The following CDH13 variants were observed in gnomAD, a reference collection of about 807,000 sequenced individuals.
CDH13 encodes the protein cadherin 13.
A neutral mutation model predicts 63.8 loss-of-function variants in CDH13; 24 were observed. The ratio of observed to expected loss-of-function variants is 0.38; its 90% CI spans 0.27 to 0.53. The LOEUF (loss-of-function observed/expected upper bound fraction) is 0.53, where lower values mean the gene tolerates loss of function less well. CDH13 is among the 20% of genes least tolerant of loss of function. The pLI is 0.85. For synonymous variants in CDH13, 503 were observed against 355.3 expected (o/e 1.42, Z -4.67); for missense variants, 1,049 against 903.1 (o/e 1.16, Z -2.07).
At chr16:82,968,579 AG>A (rs1473081422) in intron 2 of CDH13, among the ~76,000 whole-genome samples, 1 of 152,178 alleles carries the variant, frequency 6.6e-6, no homozygotes, top group African/African-American at 2.4e-5. Context: ...AACACACTGC[AG>A]TGTAATTCCC....
intron 6 of CDH13, among the ~76,000 whole-genome samples, chr16:83,484,181 TGGG>T (rs940369767): frequency 6.6e-6 from 1 of 152,014 alleles, no homozygotes; most frequent in Non-Finnish European, 1.5e-5. Context: ...ATTCCAGTGG[TGGG>T]GGAAAAAAAA....
intron 4 of CDH13, among the ~76,000 whole-genome samples, chr16:83,184,361 G>A (rs918475215): frequency 5.9e-5 from 9 of 152,022 alleles, no homozygotes; most frequent in African/African-American, 9.7e-5. Flanking sequence ...TGTCCTCCCC[G>A]TATCATTCCT....
intron 6 of CDH13, among the ~76,000 whole-genome samples, chr16:83,477,848 A>G (rs922035634): frequency 5.9e-5 from 9 of 152,016 alleles, no homozygotes; most frequent in African/African-American, 2.2e-4. Context: ...TTTAAATTTG[A>G]ACTAGTGTCT....
At chr16:82,948,272 A>G (rs1904947107) in intron 2 of CDH13, among the ~76,000 whole-genome samples, 1 of 152,198 alleles carries the variant, frequency 6.6e-6, no homozygotes, top group South Asian at 2.1e-4. Flanking sequence ...GACCAAGACA[A>G]TAAAGCAGAA....
chr16:83,341,633 C>T (rs2090724766), intron 5 of CDH13, among the ~76,000 whole-genome samples: 1 of 152,166 alleles, frequency 6.6e-6, no homozygotes, highest in Non-Finnish European at 1.5e-5. Flanking sequence ...TTTCTCATCT[C>T]TGCCTTCCCA....
At chr16:83,775,198 C>T (rs1018294912) in intron 11 of CDH13, among the ~76,000 whole-genome samples, 5 of 151,800 alleles carry the variant, frequency 3.3e-5, no homozygotes, top group Admixed American at 2.0e-4. Context: ...TCAGCCTCAC[C>T]ATACCTACAA....
intron 2 of CDH13, among the ~76,000 whole-genome samples, chr16:83,026,468 CA>C (rs1567756808): frequency 1.3e-5 from 2 of 151,932 alleles, no homozygotes; most frequent in African/African-American, 4.8e-5. Flanking sequence ...ATATTTCCCC[CA>C]CAGGGGTGAA....
At chr16:83,465,908 C>T (rs2073302770) in intron 6 of CDH13, among the ~76,000 whole-genome samples, 1 of 152,182 alleles carries the variant, frequency 6.6e-6, no homozygotes, top group South Asian at 2.1e-4. Flanking sequence ...TTCTCTTTAC[C>T]CTGCTGGAAT....
intron 1 of CDH13, among the ~76,000 whole-genome samples, chr16:82,817,572 G>C (rs954075135): frequency 1.3e-5 from 2 of 152,196 alleles, no homozygotes; most frequent in African/African-American, 4.8e-5. Flanking sequence ...GGGAGGCCGA[G>C]GTGGGTGGAT....
chr16:83,594,177 C>G (rs550105606), intron 7 of CDH13, among the ~76,000 whole-genome samples: 1 of 152,198 alleles, frequency 6.6e-6, no homozygotes, highest in African/African-American at 2.4e-5. Flanking sequence ...GAAGGCCACC[C>G]TCAGTTTCTT....
intron 1 of CDH13, among the ~76,000 whole-genome samples, chr16:82,778,015 T>C (rs1173743554): frequency 6.6e-6 from 1 of 152,150 alleles, no homozygotes; most frequent in Non-Finnish European, 1.5e-5. Flanking sequence ...CCTGACACTT[T>C]TGTTGCCTTC....
intron 2 of CDH13, among the ~76,000 whole-genome samples, chr16:82,927,020 T>TG (rs77817207): frequency 6.6e-6 from 1 of 151,730 alleles, no homozygotes; most frequent in Admixed American, 6.6e-5. Context: ...GCTTGAAGGC[T>TG]GGGGTAACTC....
chr16:82,744,678 G>C (rs1489359303), intron 1 of CDH13, among the ~76,000 whole-genome samples: 1 of 152,102 alleles, frequency 6.6e-6, no homozygotes, highest in East Asian at 1.9e-4. Context: ...GCTAAGCTGT[G>C]ACTTTTGAGT....
chr16:83,511,689 A>G (rs1473807666), intron 7 of CDH13, among the ~76,000 whole-genome samples: 1 of 152,230 alleles, frequency 6.6e-6, no homozygotes, highest in Non-Finnish European at 1.5e-5. Flanking sequence ...GATAGTAAGA[A>G]GAAGAAAAAA....
At chr16:83,438,669 A>G (rs2072392282) in intron 6 of CDH13, among the ~76,000 whole-genome samples, 1 of 152,252 alleles carries the variant, frequency 6.6e-6, no homozygotes, top group Non-Finnish European at 1.5e-5. Context: ...GAGCCTGTAT[A>G]TAGTACGTTC....
chr16:83,121,353 G>A (rs1263218660), intron 3 of CDH13, among the ~76,000 whole-genome samples: 2 of 152,154 alleles, frequency 1.3e-5, no homozygotes, highest in Non-Finnish European at 2.9e-5. Context: ...CTGCTAGCTA[G>A]GTAAATTGGA....
chr16:82,659,448 A>G (rs767454440), intron 1 of CDH13, among the ~76,000 whole-genome samples: 1 of 152,238 alleles, frequency 6.6e-6, no homozygotes, highest in Non-Finnish European at 1.5e-5. Context: ...TACTTGGCAC[A>G]TTCCTTAAAA....
At chr16:83,461,954 T>G (rs573636558) in intron 6 of CDH13, among the ~76,000 whole-genome samples, 57 of 152,348 alleles carry the variant, frequency 3.7e-4, no homozygotes, top group Middle Eastern at 3.4e-3. Flanking sequence ...AGGCAAAGGC[T>G]GTACACCTCC....
chr16:82,827,867 G>A (rs566175156), intron 1 of CDH13, among the ~76,000 whole-genome samples: 2 of 152,286 alleles, frequency 1.3e-5, no homozygotes, highest in Non-Finnish European at 2.9e-5. Context: ...GGAGCCAGAA[G>A]TGCCTGGTCA....
Sources: gnomAD v4.1 joint callset for allele counts (sites outside exome capture counted in the v4.1 genomes callset) on GRCh38, gnomAD v4.1.1 for gene constraint, MANE v1.5 for transcripts, NCBI Gene and HGNC (gene_info 2026-07-23, HGNC 2026-07-21) for gene names.